MAGI2: variants seen among roughly 807,000 people sequenced by gnomAD.
The protein encoded by MAGI2 is membrane associated guanylate kinase, WW and PDZ domain containing 2, also known as membrane-associated guanylate kinase, WW and PDZ domain-containing protein 2.
In MAGI2, 35 loss-of-function variants were observed where a neutral mutation model predicts 133.3. The ratio of observed to expected loss-of-function variants is 0.26; its 90% CI spans 0.20 to 0.35. The LOEUF (loss-of-function observed/expected upper bound fraction) is 0.35. Among genes scored for constraint, MAGI2 ranks in the 10% least tolerant of loss-of-function variants. MAGI2 has a pLI of 1.00. For synonymous variants in MAGI2, 729 were observed against 710.6 expected (o/e 1.03, Z -0.41); for missense variants, 1,636 against 1,863.4 (o/e 0.88, Z 2.25).
chr7:78,130,723 G>A (rs1194639449), intron 18 of MAGI2, among the ~76,000 whole-genome samples: 1 of 152,202 alleles, frequency 6.6e-6, no homozygotes, highest in Non-Finnish European at 1.5e-5. Flanking sequence ...AAATATCTTA[G>A]AGGCAATGTA....
At chr7:78,521,309 A>T in intron 4 of MAGI2, 121 bp downstream of exon 4, 1 of 586,662 alleles carries the variant, frequency 1.7e-6, no homozygotes, top group Admixed American at 3.0e-5. Context: ...TAAGAAATAT[A>T]TATGTATATA....
intron 13 of MAGI2, among the ~76,000 whole-genome samples, chr7:78,183,496 A>ACTCGTGATCTGCCAGACTCGGC (rs1827389472): frequency 6.6e-6 from 1 of 150,994 alleles, no homozygotes; most frequent in Non-Finnish European, 1.5e-5. Flanking sequence ...GATCTCTTGA[A>ACTCGTGATCTGCCAGACTCGGC]CTCGTGATCT....
At chr7:78,856,565 T>C (rs1469336280) in intron 2 of MAGI2, among the ~76,000 whole-genome samples, 1 of 152,176 alleles carries the variant, frequency 6.6e-6, no homozygotes, top group African/African-American at 2.4e-5. Context: ...TGGTTGTAGA[T>C]GTGTGGTATT....
intron 6 of MAGI2, among the ~76,000 whole-genome samples, chr7:78,479,352 C>T (rs936423716): frequency 1.3e-5 from 2 of 151,880 alleles, no homozygotes; most frequent in African/African-American, 4.8e-5. Context: ...GGTGACCCAT[C>T]CTCTTCCCCG....
At chr7:78,074,668 A>C (rs1382624160) in intron 21 of MAGI2, among the ~76,000 whole-genome samples, 1 of 152,236 alleles carries the variant, frequency 6.6e-6, no homozygotes, top group Non-Finnish European at 1.5e-5. Context: ...CTGCTACTTA[A>C]GAATTTATTA....
intron 9 of MAGI2, among the ~76,000 whole-genome samples, chr7:78,315,155 T>C (rs28664898): frequency 0.017 from 2,594 of 152,246 alleles, 71 homozygotes; most frequent in African/African-American, 0.059. Flanking sequence ...ATGTCCTAGT[T>C]ACCACCTCAT....
intron 1 of MAGI2, chr7:79,354,513 T>A (rs1223059929): frequency 1.3e-5 from 2 of 152,294 alleles, no homozygotes; most frequent in African/African-American, 2.4e-5. Context: ...ACCCACTTCT[T>A]GGATTGGGGA....
intron 21 of MAGI2, among the ~76,000 whole-genome samples, chr7:78,064,683 TGCTAAAAA>T (rs1198038207): frequency 2.0e-5 from 3 of 152,144 alleles, no homozygotes; most frequent in Non-Finnish European, 4.4e-5. Context: ...GTACAGTTTC[TGCTAAAAA>T]GCCAAAGTGA....
intron 21 of MAGI2, chr7:78,072,962 A>G (rs1375656401): frequency 2.5e-6 from 1 of 398,650 alleles, no homozygotes; most frequent in Non-Finnish European, 4.4e-6. Context: ...CTGGCTGGCA[A>G]TATATGTTCT....
At chr7:78,760,997 C>T (rs1308326387) in intron 2 of MAGI2, among the ~76,000 whole-genome samples, 1 of 152,182 alleles carries the variant, frequency 6.6e-6, no homozygotes, top group Admixed American at 6.5e-5. Context: ...TTTCTCATCC[C>T]CACCTCTAAT....
Position 78,819,447 on chromosome 7 carries a change from G to T in MAGI2, c.418+187643C>A, listed in dbSNP as rs139051075. Among the ~76,000 whole-genome samples, 763 of 152,034 alleles carry T rather than the reference G, an allele frequency of 5.0e-3. 6 individuals are homozygous for T. The highest frequency in any genetic ancestry group is 8.1e-3 in the Non-Finnish European group (550 of 67,892). ...ATCTTAACCTTTTTCTAGGTTTATC[G>T]GGAAATATCTCCCATTCCCCCATTT... On this transcript the variant is annotated intron_variant, in intron 2 of 21. Coordinates refer to ENST00000354212, the MANE Select transcript of MAGI2 (RefSeq NM_012301.4).
At chr7:78,155,291 G>C (rs946133422) in intron 16 of MAGI2, among the ~76,000 whole-genome samples, 3 of 152,140 alleles carry the variant, frequency 2.0e-5, no homozygotes, top group African/African-American at 7.2e-5. Flanking sequence ...ACATGCCCAG[G>C]ATGCTTCCCT....
At chr7:78,591,663 A>T (rs1804018879) in intron 3 of MAGI2, among the ~76,000 whole-genome samples, 1 of 152,230 alleles carries the variant, frequency 6.6e-6, no homozygotes, top group Admixed American at 6.5e-5. Flanking sequence ...TAATGGAAGC[A>T]TTTGGGACTT....
At chr7:79,296,096 G>T (rs979446831) in intron 1 of MAGI2, among the ~76,000 whole-genome samples, 2 of 152,054 alleles carry the variant, frequency 1.3e-5, no homozygotes, top group African/African-American at 2.4e-5. Context: ...GTACAATATT[G>T]TTCTTTGTGC....
intron 4 of MAGI2, among the ~76,000 whole-genome samples, chr7:78,503,383 T>A (rs867942306): frequency 1.3e-5 from 2 of 151,924 alleles, no homozygotes; most frequent in Non-Finnish European, 2.9e-5. Flanking sequence ...TGTGTCCCCA[T>A]CCAAAATCTC....
chr7:78,827,430 C>A (rs1022967864), intron 2 of MAGI2, among the ~76,000 whole-genome samples: 1 of 147,250 alleles, frequency 6.8e-6, no homozygotes, highest in Non-Finnish European at 1.5e-5. Flanking sequence ...AGGTGCACAC[C>A]ACCATTCCAT....
chr7:79,055,645 C>A (rs1813087230), intron 1 of MAGI2, among the ~76,000 whole-genome samples: 1 of 151,880 alleles, frequency 6.6e-6, no homozygotes, highest in Admixed American at 6.6e-5. Context: ...AATATTCTAG[C>A]CAGATGGCTA....
Position 78,532,287 on chromosome 7 carries a change from A to G in MAGI2, c.539-10642T>C, listed in dbSNP as rs1797535005. On this transcript the variant is annotated intron_variant, in intron 3 of 21. Transcript: ENST00000354212. The stretch of plus-strand genomic sequence containing the variant: ...CTGAATTGACAATGAATAGAGAATA[A>G]CAATAAACTAAAGTCAACAATTTCA... 2.6e-5 allele frequency among the ~76,000 whole-genome samples: 4 copies of G among 152,262 alleles called. No homozygotes were observed. The South Asian group carries it at 8.3e-4, about 31-fold the overall frequency.
intron 1 of MAGI2, among the ~76,000 whole-genome samples, chr7:79,089,953 C>A (rs1816903829): frequency 6.6e-6 from 1 of 151,488 alleles, no homozygotes; most frequent in Non-Finnish European, 1.5e-5. Flanking sequence ...GTAAGGTATA[C>A]CTATACATGT....
Sources: gnomAD v4.1 joint callset for allele counts (sites outside exome capture counted in the v4.1 genomes callset) on GRCh38, gnomAD v4.1.1 for gene constraint, MANE v1.5 for transcripts, NCBI Gene and HGNC (gene_info 2026-07-23, HGNC 2026-07-21) for gene names.